The following ESR1 variants were observed in gnomAD, a reference collection of about 807,000 sequenced individuals.
The protein encoded by ESR1 is estrogen receptor.
Under a neutral mutation model 52.7 loss-of-function variants are expected in ESR1, and 12 were observed. The observed-to-expected ratio is 0.23, with a 90% CI of 0.15 to 0.37. The LOEUF is 0.37. Ranked by LOEUF, ESR1 falls within the 10% of genes least tolerant of loss-of-function variation. The pLI, the probability that ESR1 is intolerant of heterozygous loss-of-function variation, is 1.00. For synonymous variants in ESR1, 305 were observed against 316.8 expected, an observed-to-expected ratio of 0.96 and a Z score of 0.39; for missense variants, 584 against 779.7, an observed-to-expected ratio of 0.75 and a Z score of 2.99.
At chr6:151,977,726 C>T (rs1177669542) in intron 4 of ESR1, among the ~76,000 whole-genome samples, 8 of 151,728 alleles carry the variant, frequency 5.3e-5, no homozygotes, top group Non-Finnish European at 7.4e-5. Flanking sequence ...ACCCAGGAGG[C>T]GGAGGTTGCA....
intron 2 of ESR1, among the ~76,000 whole-genome samples, chr6:151,727,359 G>A (rs1026803761): frequency 3.3e-5 from 5 of 151,928 alleles, no homozygotes; most frequent in African/African-American, 1.2e-4. Flanking sequence ...GCACCATCAC[G>A]CCCGGCTAAT....
chr6:151,715,380 C>T (rs1780948955), intron 2 of ESR1, among the ~76,000 whole-genome samples: 1 of 152,124 alleles, frequency 6.6e-6, no homozygotes, highest in Non-Finnish European at 1.5e-5. Flanking sequence ...TGAATGTTGG[C>T]CTGTCTTGCT....
At chr6:152,104,435 T>C (rs528069614), downstream of ESR1, among the ~76,000 whole-genome samples, 1 of 152,312 alleles carries the variant, frequency 6.6e-6, no homozygotes, top group South Asian at 2.1e-4. Context: ...TCAATCCACA[T>C]TAGCTATTTT....
At chr6:152,041,215 C>T (rs117516913) in intron 5 of ESR1, among the ~76,000 whole-genome samples, 2,284 of 152,276 alleles carry the variant, frequency 0.015, 32 homozygotes, top group Non-Finnish European at 0.024. Flanking sequence ...CAAACAACAT[C>T]CCTATCTGCC....
At chr6:151,704,604 G>T (rs1300086908) in intron 2 of ESR1, among the ~76,000 whole-genome samples, 2 of 152,114 alleles carry the variant, frequency 1.3e-5, no homozygotes, top group African/African-American at 4.8e-5. Flanking sequence ...TTCTTTTATG[G>T]TCTACTTAGT....
intron 1 of ESR1, among the ~76,000 whole-genome samples, chr6:151,842,068 A>G (rs562272560): frequency 6.6e-6 from 1 of 152,312 alleles, no homozygotes; most frequent in Admixed American, 6.5e-5. Flanking sequence ...CAGTATTTTC[A>G]AATTACATTA....
intron 4 of ESR1, among the ~76,000 whole-genome samples, chr6:151,952,830 A>T (rs892863262): frequency 6.6e-6 from 1 of 152,144 alleles, no homozygotes; most frequent in African/African-American, 2.4e-5. Flanking sequence ...CTACAATCTG[A>T]GTTTAATTTG....
intron 5 of ESR1, among the ~76,000 whole-genome samples, chr6:152,022,710 G>A (rs3020412): frequency 0.44 from 66,899 of 151,926 alleles, 16,676 homozygotes; most frequent in African/African-American, 0.67. Flanking sequence ...AGTGGCTTAC[G>A]CATGTAATCT....
chr6:151,841,926 G>T (rs1784351653), intron 1 of ESR1, among the ~76,000 whole-genome samples: 1 of 152,068 alleles, frequency 6.6e-6, no homozygotes, highest in African/African-American at 2.4e-5. Context: ...GCTATATTGT[G>T]CAGGCTGGGC....
chr6:151,934,904 G>T (rs2034168024), intron 3 of ESR1, among the ~76,000 whole-genome samples: 1 of 152,156 alleles, frequency 6.6e-6, no homozygotes, highest in South Asian at 2.1e-4. Context: ...GCCCTCTCAG[G>T]ATTCTAGAGC....
In ESR1 at chr6:151,962,652, C is replaced by T. The variant is rs190322127; in HGVS notation, c.1096+18144C>T. Among the ~76,000 whole-genome samples, 43 of 152,354 alleles carry T rather than the reference C, an allele frequency of 2.8e-4. No homozygotes were observed. In the East Asian group the frequency reaches 6.9e-3, roughly 25 times the overall value. On this transcript the variant is annotated intron_variant, in intron 4 of 7. Coordinates refer to ENST00000206249, the MANE Select transcript of ESR1 (RefSeq NM_000125.4). ...GTATGTGGCTTCTTACCACAGCCCC[C>T]TATCTCGCCCAAGCCTTGTGGCTCT...
At chr6:151,670,762 GTTTTT>G (rs35606990) in intron 1 of ESR1, among the ~76,000 whole-genome samples, 6 of 85,782 alleles carry the variant, frequency 7.0e-5, no homozygotes, top group African/African-American at 1.5e-4. Context: ...TTTTGTTTTC[GTTTTT>G]TTTTTTTTTT....
intron 3 of ESR1, among the ~76,000 whole-genome samples, chr6:151,922,336 G>A (rs886465074): frequency 6.6e-6 from 1 of 152,174 alleles, no homozygotes; most frequent in African/African-American, 2.4e-5. Flanking sequence ...AGACTTAAGT[G>A]GAGCTCATAT....
At chr6:152,050,967 G>A (rs765259018) in intron 5 of ESR1, among the ~76,000 whole-genome samples, 31 of 152,048 alleles carry the variant, frequency 2.0e-4, no homozygotes, top group Non-Finnish European at 2.1e-4. Context: ...TTACATTTCC[G>A]TTATTTGGTT....
At chr6:151,691,277 T>A (rs1191648862) in intron 1 of ESR1, among the ~76,000 whole-genome samples, 1 of 152,188 alleles carries the variant, frequency 6.6e-6, no homozygotes, top group Non-Finnish European at 1.5e-5. Flanking sequence ...ATTTTCTCAG[T>A]TCCTTTTTGC....
intron 2 of ESR1, among the ~76,000 whole-genome samples, chr6:151,773,345 A>G (rs759719587): frequency 2.6e-5 from 4 of 152,166 alleles, no homozygotes; most frequent in Admixed American, 6.5e-5. Context: ...TTGATTTTGG[A>G]CTTTTAGCCC....
chr6:152,125,444 G>A (rs1161881769), exon 7 of ESR1: 2 of 1,428,130 alleles, frequency 1.4e-6, no homozygotes, highest in East Asian at 5.0e-5. Flanking sequence ...CATGACCATG[G>A]GCAAGTAAAT....
At chr6:152,119,604 A>G (rs2051253183) in intron 6 of ESR1, among the ~76,000 whole-genome samples, 1 of 151,908 alleles carries the variant, frequency 6.6e-6, no homozygotes, top group African/African-American at 2.4e-5. Flanking sequence ...CTCACCCAGC[A>G]CTCACTTGGG....
intron 5 of ESR1, among the ~76,000 whole-genome samples, chr6:152,023,860 G>T (rs1184708829): frequency 6.6e-6 from 1 of 152,122 alleles, no homozygotes; most frequent in East Asian, 1.9e-4. Flanking sequence ...CATAGCAGGG[G>T]TTGGCATACT....
Sources: gnomAD v4.1 joint callset for allele counts (sites outside exome capture counted in the v4.1 genomes callset) on GRCh38, gnomAD v4.1.1 for gene constraint, MANE v1.5 for transcripts, NCBI Gene and HGNC (gene_info 2026-07-23, HGNC 2026-07-21) for gene names.